The following TCF7L2 variants were observed in gnomAD, a reference collection of about 807,000 sequenced individuals.
TCF7L2 encodes the protein transcription factor 7-like 2.
TCF7L2 carries 23 observed loss-of-function variants against 77.9 expected under a neutral mutation model. The ratio of observed to expected loss-of-function variants is 0.30; its 90% CI spans 0.21 to 0.42. The LOEUF is 0.42. TCF7L2 is among the 10% of genes least tolerant of loss of function. The pLI is 1.00. For missense variants in TCF7L2, 654 were observed against 793.1 expected, an observed-to-expected ratio of 0.82 and a Z score of 2.11; for synonymous variants, 413 against 340.2, an observed-to-expected ratio of 1.21 and a Z score of -2.36.
chr10:112,993,901 A>G (rs2043027180), intron 4 of TCF7L2, among the ~76,000 whole-genome samples: 1 of 152,128 alleles, frequency 6.6e-6, no homozygotes, highest in Non-Finnish European at 1.5e-5. Context: ...CTAAAAATAC[A>G]AAAATTAGCT....
In TCF7L2 at chr10:112,971,849, G is replaced by C. The variant is rs151157412; in HGVS notation, c.450+7225G>C. Among the ~76,000 whole-genome samples the C allele has an allele frequency of 8.3e-4, 125 of 150,360 alleles. 1 individual carries two copies. Among genetic ancestry groups the C allele is most frequent in the Non-Finnish European group, 1.3e-3 (91 of 67,586 alleles). On this transcript the variant is annotated intron_variant, in intron 4 of 13. Transcript: ENST00000627217. ...GCTAGTCTCAAACTTCTGACCTCAG[G>C]TGATCCATCTGCTTTGGCCTCCCAA...
Position 113,165,924 on chromosome 10 carries a change from C to T in TCF7L2, c.1761C>T (p.Ala587=), listed in dbSNP as rs761607292. 13 of 1,568,526 alleles carry T rather than the reference C, an allele frequency of 8.3e-6. No individual in the cohort carries two copies. Among genetic ancestry groups the T allele is most frequent in the South Asian group, 2.3e-5 (2 of 85,736 alleles). ...CCTTACATTCCCACAGCTCCCTGGCCGGGACCCAGCCCCAGCCGCTGTCGC... is the reference window on the plus strand; with the variant it reads ...CCTTACATTCCCACAGCTCCCTGGCTGGGACCCAGCCCCAGCCGCTGTCGC... The change falls in exon 14 of 14, where the codon GCC becomes GCT. Residue 587 remains alanine, a synonymous_variant. Transcript: ENST00000627217.
chr10:112,973,420 G>A (rs1437956098), intron 4 of TCF7L2, among the ~76,000 whole-genome samples: 1 of 152,100 alleles, frequency 6.6e-6, no homozygotes, highest in East Asian at 1.9e-4. Context: ...TGTGGCCTGT[G>A]CATCCCTGGG....
intron 4 of TCF7L2, among the ~76,000 whole-genome samples, chr10:112,977,884 C>T (rs955760497): frequency 6.6e-6 from 1 of 152,074 alleles, no homozygotes; most frequent in Non-Finnish European, 1.5e-5. Context: ...CGGGGAGCAG[C>T]GCTGTGTAAA....
At chr10:113,110,533 T>G (rs1197756480) in intron 5 of TCF7L2, among the ~76,000 whole-genome samples, 6 of 152,154 alleles carry the variant, frequency 3.9e-5, no homozygotes, top group Admixed American at 2.0e-4. Flanking sequence ...TACACATGTC[T>G]TTGGTAAAGG....
intron 4 of TCF7L2, among the ~76,000 whole-genome samples, chr10:112,987,203 T>C (rs537744540): frequency 1.3e-5 from 2 of 152,318 alleles, no homozygotes; most frequent in South Asian, 2.1e-4. Flanking sequence ...AGTTAAGAGC[T>C]TGACTGTAGA....
intron 4 of TCF7L2, among the ~76,000 whole-genome samples, chr10:113,026,158 C>T (rs1301213720): frequency 2.6e-5 from 4 of 151,308 alleles, no homozygotes; most frequent in Non-Finnish European, 4.4e-5. Flanking sequence ...GGATTACAGG[C>T]GTGAGCCACT....
chr10:112,970,882 C>T (rs577105830), intron 4 of TCF7L2, among the ~76,000 whole-genome samples: 1 of 152,300 alleles, frequency 6.6e-6, no homozygotes, highest in African/African-American at 2.4e-5. Context: ...TCCTTTAGAG[C>T]TGTAGCAGAC....
intron 5 of TCF7L2, among the ~76,000 whole-genome samples, chr10:113,097,580 G>GAGGTGGA (rs1385797833): frequency 1.4e-5 from 2 of 147,908 alleles, no homozygotes; most frequent in East Asian, 4.1e-4. Flanking sequence ...CTGAACCTGG[G>GAGGTGGA]AGGTGGAAGT....
intron 4 of TCF7L2, among the ~76,000 whole-genome samples, chr10:112,984,117 T>G (rs2041026156): frequency 6.6e-6 from 1 of 152,196 alleles, no homozygotes; most frequent in South Asian, 2.1e-4. Context: ...CTATCTGTCT[T>G]TAAGCTTTCA....
intron 6 of TCF7L2, among the ~76,000 whole-genome samples, chr10:113,143,017 C>T (rs1020937350): frequency 2.6e-5 from 4 of 152,338 alleles, no homozygotes; most frequent in South Asian, 2.1e-4. Flanking sequence ...AAGTCGTTTT[C>T]GTCCACGAAC....
chr10:113,028,823 T>C (rs1428281682), intron 4 of TCF7L2, among the ~76,000 whole-genome samples: 1 of 152,194 alleles, frequency 6.6e-6, no homozygotes, highest in East Asian at 1.9e-4. Context: ...GATTTTAATA[T>C]CTGCTGCAAT....
At chr10:112,982,977 A>T (rs1272538567) in intron 4 of TCF7L2, among the ~76,000 whole-genome samples, 1 of 152,048 alleles carries the variant, frequency 6.6e-6, no homozygotes, top group Non-Finnish European at 1.5e-5. Flanking sequence ...TTGTGATATC[A>T]TTTGTCTCCC....
At chr10:112,999,199 G>T (rs2044036060) in intron 4 of TCF7L2, among the ~76,000 whole-genome samples, 1 of 152,250 alleles carries the variant, frequency 6.6e-6, no homozygotes. Context: ...ATACTTTGCT[G>T]CAGGGAAGCC....
chr10:112,982,692 C>A (rs2040700972), intron 4 of TCF7L2, among the ~76,000 whole-genome samples: 1 of 152,164 alleles, frequency 6.6e-6, no homozygotes, highest in African/African-American at 2.4e-5. Context: ...GCGATCTTGG[C>A]TCATTGCAGC....
intron 4 of TCF7L2, among the ~76,000 whole-genome samples, chr10:113,024,219 A>G (rs965849463): frequency 2.6e-5 from 4 of 151,996 alleles, no homozygotes; most frequent in African/African-American, 9.7e-5. Context: ...AATGGCTTGA[A>G]CCTGGGAGGC....
intron 4 of TCF7L2, among the ~76,000 whole-genome samples, chr10:113,013,573 G>C (rs796211261): frequency 6.6e-6 from 1 of 152,182 alleles, no homozygotes; most frequent in African/African-American, 2.4e-5. Context: ...TGGATTTAAA[G>C]ATTTTTTTGG....
chr10:113,160,202 C>G (rs778788585), intron 12 of TCF7L2, among the ~76,000 whole-genome samples: 13 of 151,900 alleles, frequency 8.6e-5, no homozygotes, highest in African/African-American at 2.7e-4. Context: ...CAGCATCACT[C>G]GTGCCTCCTC....
intron 5 of TCF7L2, among the ~76,000 whole-genome samples, chr10:113,117,425 CT>C (rs2063955545): frequency 7.4e-5 from 3 of 40,664 alleles, no homozygotes; most frequent in Non-Finnish European, 1.6e-4. Flanking sequence ...CTCTCTCTCT[CT>C]CTCTCTCCCT....
Sources: allele counts gnomAD v4.1 joint callset (sites outside exome capture counted in the v4.1 genomes callset), GRCh38; gene constraint gnomAD v4.1.1; transcripts MANE v1.5; gene names NCBI Gene and HGNC (gene_info 2026-07-23, HGNC 2026-07-21).